Variants in TENM1 observed in about 807,000 individuals in gnomAD.
TENM1 encodes the protein teneurin transmembrane protein 1.
TENM1 carries 35 observed loss-of-function variants against 174.8 expected under a neutral mutation model. The ratio of observed to expected loss-of-function variants is 0.20; its 90% CI spans 0.15 to 0.27. The LOEUF (loss-of-function observed/expected upper bound fraction) is 0.27. TENM1 is among the 10% of genes least tolerant of loss of function. The pLI, the probability that TENM1 is intolerant of heterozygous loss-of-function variation, is 1.00. For missense variants in TENM1, 1,633 were observed against 2,130.1 expected, an observed-to-expected ratio of 0.77 and a Z score of 4.59; for synonymous variants, 781 against 798.7, an observed-to-expected ratio of 0.98 and a Z score of 0.37.
chrX:124,383,921 C>T lies in TENM1; in HGVS notation c.7010G>A (p.Arg2337Gln), dbSNP rs139021385. ...TAGTATCTCCTTTATGACCTGACCT[C>T]GGCTGCTGAACACAGCTAGTGGGGT... The change falls in exon 30 of 32, where the codon CGA (arginine) becomes CAA (glutamine). Residue 2337 changes from arginine to glutamine, a missense_variant. Transcript: ENST00000422452. The T allele has an allele frequency of 5.6e-5, 68 of 1,209,542 alleles. No homozygotes were observed. Among genetic ancestry groups the T allele is most frequent in the African/African-American group, 7.0e-5 (4 of 57,123 alleles).
intron 3 of TENM1, among the ~76,000 whole-genome samples, chrX:124,764,806 G>T (rs1224262421): frequency 9.1e-6 from 1 of 109,714 alleles, no homozygotes; most frequent in Admixed American, 9.8e-5. Context: ...AAAAAGGTAT[G>T]ATTTTGGCCC....
the TENM1 span, among the ~76,000 whole-genome samples, chrX:124,999,248 C>A: frequency 9.0e-6 from 1 of 110,762 alleles, no homozygotes; most frequent in Admixed American, 9.6e-5. Context: ...ACAGGTTATA[C>A]ATTTTATGTA....
intron 3 of TENM1, among the ~76,000 whole-genome samples, chrX:124,858,965 T>C (rs1176718129): frequency 9.0e-6 from 1 of 111,682 alleles, no homozygotes; most frequent in Non-Finnish European, 1.9e-5. Flanking sequence ...ATGATGAATT[T>C]TGCTATTTTA....
At chrX:125,160,745 C>T in the TENM1 span, among the ~76,000 whole-genome samples, 3 of 109,216 alleles carry the variant, frequency 2.7e-5, no homozygotes, top group Admixed American at 3.0e-4. Flanking sequence ...TTATAACATA[C>T]TACTTCACAC....
chrX:125,085,708 T>C, the TENM1 span, among the ~76,000 whole-genome samples: 1 of 111,384 alleles, frequency 9.0e-6, no homozygotes, highest in Non-Finnish European at 1.9e-5. Context: ...GTGTTCATTA[T>C]TGCTTACTGA....
chrX:124,909,854 ATG>A, intron 1 of TENM1, among the ~76,000 whole-genome samples: 1 of 112,226 alleles, frequency 8.9e-6, no homozygotes, highest in East Asian at 2.8e-4. Context: ...TCACTGAGAA[ATG>A]TGTGTTGGGG....
At chrX:124,992,606 T>C in the TENM1 span, among the ~76,000 whole-genome samples, 1 of 111,171 alleles carries the variant, frequency 9.0e-6, no homozygotes, top group Non-Finnish European at 1.9e-5. Flanking sequence ...AGAAATTATC[T>C]GACCTATCTC....
At chrX:124,382,785 C>G (rs779108736) in exon 31 of TENM1, 7 of 1,196,886 alleles carry the variant, frequency 5.8e-6, no homozygotes, top group Non-Finnish European at 7.9e-6. Flanking sequence ...TAATTGGAAA[C>G]CAAATAGCTC....
intron 27 of TENM1, among the ~76,000 whole-genome samples, chrX:124,397,493 A>G (rs2060349360): frequency 1.8e-5 from 2 of 112,523 alleles, no homozygotes; most frequent in South Asian, 7.4e-4. Flanking sequence ...TCACTAGACA[A>G]CTGTGTTACT....
intron 23 of TENM1, among the ~76,000 whole-genome samples, chrX:124,434,867 G>T (rs1020422852): frequency 8.9e-6 from 1 of 112,056 alleles, no homozygotes; most frequent in Non-Finnish European, 1.9e-5. Flanking sequence ...TTATCATTAC[G>T]CTAAAGAACT....
the TENM1 span, among the ~76,000 whole-genome samples, chrX:125,159,771 G>C: frequency 8.0e-5 from 9 of 111,999 alleles, no homozygotes; most frequent in Non-Finnish European, 1.5e-4. Flanking sequence ...TTTAAATAAA[G>C]AATGTTAGAG....
Position 124,512,632 on chromosome X carries a change from A to C in TENM1, c.3301+7885T>G, listed in dbSNP as rs187974638. Among the ~76,000 whole-genome samples the C allele has an allele frequency of 2.0e-3, 216 of 110,313 alleles. 1 individual carries two copies. Among genetic ancestry groups the C allele is most frequent in the African/African-American group, 6.9e-3 (209 of 30,340 alleles). On this transcript the variant is annotated intron_variant, in intron 18 of 31. Transcript: ENST00000422452. Reference sequence around the variant, plus strand: ...TACAACCCCTGTTTGTAATTTATTCACTCTGGTATTATCCCTTCAGTTGCA... The same window carrying C: ...TACAACCCCTGTTTGTAATTTATTCCCTCTGGTATTATCCCTTCAGTTGCA...
chrX:124,996,183 C>CATCTA, the TENM1 span, among the ~76,000 whole-genome samples: 1 of 111,015 alleles, frequency 9.0e-6, no homozygotes, highest in Non-Finnish European at 1.9e-5. Context: ...GTACTATAAT[C>CATCTA]ATCTAATAGG....
intron 27 of TENM1, among the ~76,000 whole-genome samples, chrX:124,400,402 C>T (rs767464696): frequency 8.9e-6 from 1 of 112,034 alleles, no homozygotes; most frequent in African/African-American, 3.2e-5. Flanking sequence ...TTCTCCTTCT[C>T]AGCTCACATC....
intron 11 of TENM1, among the ~76,000 whole-genome samples, chrX:124,585,528 T>C (rs2049478558): frequency 9.0e-6 from 1 of 111,313 alleles, no homozygotes; most frequent in African/African-American, 3.3e-5. Flanking sequence ...CTGGGACACA[T>C]TCAAAGCAGT....
intron 3 of TENM1, among the ~76,000 whole-genome samples, chrX:124,793,518 T>C (rs975092406): frequency 9.0e-6 from 1 of 111,538 alleles, no homozygotes; most frequent in African/African-American, 3.3e-5. Flanking sequence ...TACAATCACA[T>C]GTTATATTAT....
the TENM1 span, among the ~76,000 whole-genome samples, chrX:125,026,899 A>C: frequency 1.8e-5 from 2 of 111,839 alleles, no homozygotes; most frequent in Admixed American, 1.9e-4. Flanking sequence ...AAAACATAGC[A>C]AATTGGAAAT....
chrX:125,072,547 G>C, the TENM1 span, among the ~76,000 whole-genome samples: 40,406 of 110,044 alleles, frequency 0.37, 7,736 homozygotes, highest in African/African-American at 0.74. Flanking sequence ...CACACAGGAA[G>C]TGTCATTAGG....
chrX:124,968,801 T>A (rs191321741), upstream of TENM1, among the ~76,000 whole-genome samples: 238 of 111,831 alleles, frequency 2.1e-3, no homozygotes, highest in African/African-American at 7.1e-3. Flanking sequence ...GTGCCTAGAG[T>A]TGTGAAATCA....
Sources: allele counts gnomAD v4.1 joint callset (sites outside exome capture counted in the v4.1 genomes callset), GRCh38; gene constraint gnomAD v4.1.1; transcripts MANE v1.5; gene names NCBI Gene and HGNC (gene_info 2026-07-23, HGNC 2026-07-21).